Variants in USP42 observed in about 807,000 individuals in gnomAD.
USP42 encodes ubiquitin specific peptidase 42.
A neutral mutation model predicts 113.0 loss-of-function variants in USP42; 23 were observed. The observed-to-expected ratio is 0.20, with a 90% CI of 0.15 to 0.29. The LOEUF (loss-of-function observed/expected upper bound fraction) is 0.29, where lower values mean the gene tolerates loss of function less well. Ranked by LOEUF, USP42 falls within the 10% of genes least tolerant of loss-of-function variation. The pLI, the probability that USP42 is intolerant of heterozygous loss-of-function variation, is 1.00. For missense variants in USP42, 2,174 were observed against 1,779.8 expected, an observed-to-expected ratio of 1.22 and a Z score of -3.99; for synonymous variants, 933 against 699.0, an observed-to-expected ratio of 1.33 and a Z score of -5.28.
rs76092056 is a variant in USP42 at position 6,159,286 on chromosome 7, C to T, written c.3944-164C>T. 6.1e-3 allele frequency among the ~76,000 whole-genome samples: 931 copies of T among 152,322 alleles called. 9 individuals carry two copies. The highest frequency in any genetic ancestry group is 0.021 in the African/African-American group (893 of 41,572). On this transcript the variant is annotated intron_variant, in intron 16 of 17. Coordinates refer to ENST00000306177, the MANE Select transcript of USP42 (RefSeq NM_032172.3). This position sits in a 1 kb window ranked among gnomAD's most constrained non-coding sequence, Gnocchi z 4.1. ...ATCAGTAAAACCCTGGGAGCAGCCG[C>T]TGAGCGCTGGGACATCCCTGCTCAC...
chr7:6,123,309 A>C (rs1780338872), intron 3 of USP42, among the ~76,000 whole-genome samples: 1 of 152,160 alleles, frequency 6.6e-6, no homozygotes, highest in African/African-American at 2.4e-5. Context: ...GGATGGGTTA[A>C]GCTAGGAGTT....
intron 1 of USP42, among the ~76,000 whole-genome samples, chr7:6,105,874 G>C (rs937169275): frequency 2.6e-5 from 4 of 152,286 alleles, no homozygotes; most frequent in Middle Eastern, 3.4e-3. Context: ...ATGACTCTTA[G>C]GAGGCCGTGG....
intron 14 of USP42, among the ~76,000 whole-genome samples, chr7:6,151,194 CCAGTGAGTGAGT>C (rs1156756262): frequency 1.3e-5 from 2 of 152,176 alleles, no homozygotes; most frequent in African/African-American, 4.8e-5. Flanking sequence ...TCTGGGTGAG[CCAGTGAGTGAGT>C]GCTGAGTGAA....
At position 6,105,621 on chromosome 7, in the gene USP42, G is replaced by T. The variant is rs530150564; in HGVS notation, c.-10+589G>T. 5.0e-4 allele frequency among the ~76,000 whole-genome samples: 76 copies of T among 152,264 alleles called. 1 individual carries two copies. The highest frequency in any genetic ancestry group is 1.7e-3 in the African/African-American group (71 of 41,576). On this transcript the variant is annotated intron_variant, in intron 1 of 17. Coordinates refer to ENST00000306177, the MANE Select transcript of USP42 (RefSeq NM_032172.3). Reference sequence around the variant, plus strand: ...GGCCTAGCCACCTGGCTGCTCCGTGGAGAGTCCGAGGTGCCCACGCCGGGC... The same window carrying T: ...GGCCTAGCCACCTGGCTGCTCCGTGTAGAGTCCGAGGTGCCCACGCCGGGC...
upstream of USP42, among the ~76,000 whole-genome samples, chr7:6,103,167 C>T (rs967590690): frequency 6.6e-6 from 1 of 150,904 alleles, no homozygotes; most frequent in Non-Finnish European, 1.5e-5. Context: ...GTGGAGACAG[C>T]CAATAAATGA....
chr7:6,156,759 A>G lies in USP42; in HGVS notation c.3647A>G (p.Gln1216Arg). The G allele has an allele frequency of 6.5e-7, 1 of 1,541,070 alleles. No individual in the cohort carries two copies. The highest frequency in any genetic ancestry group is 8.7e-7 in the Non-Finnish European group (1 of 1,148,966). Residue 1216 changes from glutamine to arginine, a missense_variant, in exon 16 of 18, where the codon CAG becomes CGG. Transcript: ENST00000306177. Reference sequence around the variant, plus strand: ...TCTGGCTTTTCCTTCTGCAGGCATCAGCAGGACTCAGACCTCTCAGCAGCG... The same window carrying G: ...TCTGGCTTTTCCTTCTGCAGGCATCGGCAGGACTCAGACCTCTCAGCAGCG... ...DKHRDRDSRH[Q>R]QDSDLSAACS...
intron 3 of USP42, among the ~76,000 whole-genome samples, chr7:6,131,867 C>G (rs1780869638): frequency 6.6e-6 from 1 of 152,208 alleles, no homozygotes; most frequent in South Asian, 2.1e-4. Context: ...TCTATTCCGT[C>G]TCCCAGAAGT....
At chr7:6,153,413 G>A (rs530424792) in intron 14 of USP42, among the ~76,000 whole-genome samples, 4 of 152,124 alleles carry the variant, frequency 2.6e-5, no homozygotes, top group Non-Finnish European at 4.4e-5. Flanking sequence ...TGGGCTTGAT[G>A]ATATAACATT....
chr7:6,148,033 A>T (rs1460516379), intron 12 of USP42, 141 bp downstream of exon 12: 2 of 933,496 alleles, frequency 2.1e-6, no homozygotes, highest in African/African-American at 1.7e-5. Context: ...CCTCTTACAC[A>T]GTATTTCAAA....
the USP42 span, chr7:6,081,638 G>A: frequency 6.6e-6 from 1 of 152,282 alleles, no homozygotes; most frequent in African/African-American, 2.4e-5. Flanking sequence ...CTACCACGCG[G>A]GAGCACCCAT....
chr7:6,081,554 A>C, the USP42 span: 2 of 152,278 alleles, frequency 1.3e-5, no homozygotes, highest in Admixed American at 6.6e-5. Context: ...CGCGCGCCGC[A>C]GTTTGGGGGC....
At chr7:6,128,846 A>G (rs889934901) in intron 3 of USP42, among the ~76,000 whole-genome samples, 5 of 113,430 alleles carry the variant, frequency 4.4e-5, no homozygotes, top group South Asian at 5.2e-4. Context: ...GGTCGTGGAC[A>G]GGGTCTCTCT....
In USP42 at chr7:6,160,775, T is replaced by G. The variant is rs1209965800; in HGVS notation, c.*257T>G. 1 of 152,594 alleles carries G rather than the reference T, an allele frequency of 6.6e-6. No individual in the cohort carries two copies. Among genetic ancestry groups the G allele is most frequent in the Non-Finnish European group, 1.5e-5 (1 of 68,030 alleles). 9.5% of individuals were successfully genotyped at this position (152,594 alleles called of 1,614,324 possible). ...CATTGTAAAATACCGTGTATATAAA[T>G]CCCATTGAAATAATGCCCTGGAATA... On this transcript the variant is annotated 3_prime_UTR_variant, in exon 18 of 18. Coordinates refer to ENST00000306177, the MANE Select transcript of USP42 (RefSeq NM_032172.3).
chr7:6,143,249 A>G (rs540425464), intron 8 of USP42, among the ~76,000 whole-genome samples: 2 of 152,264 alleles, frequency 1.3e-5, no homozygotes, highest in Non-Finnish European at 2.9e-5. Flanking sequence ...TATTGGGCAG[A>G]TTCGGTGGGA....
At chr7:6,104,243 C>G (rs1779120253), upstream of USP42, among the ~76,000 whole-genome samples, 4 of 151,244 alleles carry the variant, frequency 2.6e-5, no homozygotes, top group South Asian at 8.3e-4. Context: ...CCACCACGCC[C>G]GGCTAATTTT....
rs749488498 is a variant in USP42 at position 6,159,506 on chromosome 7, CCTGT to C, written c.*36+18_*36+21del. Reference sequence around the variant, plus strand: ...TTCACTAGTTATGGTAAGCTGTTTTCCTGTCTGTTTCCTCATTGTTTGTGGTGGC... The same window carrying C: ...TTCACTAGTTATGGTAAGCTGTTTTCCTGTTTCCTCATTGTTTGTGGTGGC... On this transcript the variant is annotated intron_variant, in intron 17 of 17. Transcript: ENST00000306177. This position sits in a 1 kb window ranked among gnomAD's most constrained non-coding sequence, Gnocchi z 4.1. 6.5e-5 allele frequency: 104 copies of C among 1,612,086 alleles called. No individual in the cohort carries two copies. The highest frequency in any genetic ancestry group is 2.2e-4 in the East Asian group (10 of 44,884).
intron 3 of USP42, among the ~76,000 whole-genome samples, chr7:6,130,126 T>C (rs943462424): frequency 1.3e-5 from 2 of 152,154 alleles, no homozygotes; most frequent in Admixed American, 1.3e-4. Flanking sequence ...GCTAGAATTG[T>C]AGGCATGAGC....
At chr7:6,106,886 C>G (rs953834943) in intron 1 of USP42, among the ~76,000 whole-genome samples, 1 of 152,154 alleles carries the variant, frequency 6.6e-6, no homozygotes, top group Non-Finnish European at 1.5e-5. Flanking sequence ...TGTTTTAATG[C>G]TCTTGTAACT....
chr7:6,087,511 A>T, the USP42 span, among the ~76,000 whole-genome samples: 1 of 148,986 alleles, frequency 6.7e-6, no homozygotes, highest in African/African-American at 2.5e-5. Context: ...TCATTTTAAA[A>T]TTTTTTGTAG....
Sources: allele counts gnomAD v4.1 joint callset (sites outside exome capture counted in the v4.1 genomes callset), GRCh38; gene constraint gnomAD v4.1.1; non-coding constraint Gnocchi (gnomAD v3.1); transcripts MANE v1.5; gene names NCBI Gene and HGNC (gene_info 2026-07-23, HGNC 2026-07-21).